Variants in SYT14 observed in about 807,000 individuals in gnomAD.
SYT14 encodes the protein synaptotagmin-14.
In SYT14, 32 loss-of-function variants were observed where a neutral mutation model predicts 74.2. That is an observed-to-expected ratio of 0.43 (90% CI 0.33 to 0.58). SYT14 has a LOEUF of 0.58. SYT14 is among the 20% of genes least tolerant of loss of function. The probability of loss-of-function intolerance (pLI) is 0.05; values close to 1 mark genes in which losing one functional copy is unlikely to be tolerated. For synonymous variants in SYT14, 298 were observed against 337.7 expected, an observed-to-expected ratio of 0.88 and a Z score of 1.29; for missense variants, 791 against 981.8, an observed-to-expected ratio of 0.81 and a Z score of 2.60.
intron 5 of SYT14, among the ~76,000 whole-genome samples, chr1:210,037,624 G>A (rs2080695707): frequency 6.6e-6 from 1 of 150,872 alleles, no homozygotes. Flanking sequence ...AGAGGTTTTG[G>A]TATGTTGTAT....
chr1:210,145,633 C>T (rs1186802849), intron 7 of SYT14, among the ~76,000 whole-genome samples: 1 of 152,168 alleles, frequency 6.6e-6, no homozygotes, highest in African/African-American at 2.4e-5. Flanking sequence ...TCATATAGTG[C>T]TGGATGAGTA....
chr1:209,977,649 A>C (rs1325774839), intron 2 of SYT14, among the ~76,000 whole-genome samples: 5 of 151,968 alleles, frequency 3.3e-5, no homozygotes, highest in East Asian at 1.9e-4. Flanking sequence ...TTTTTTCCTT[A>C]ATTGCAACTT....
chr1:209,941,506 GATA>G (rs2078729710), intron 1 of SYT14, among the ~76,000 whole-genome samples: 1 of 152,172 alleles, frequency 6.6e-6, no homozygotes, highest in South Asian at 2.1e-4. Context: ...CTGTTAATCT[GATA>G]GCGTTGACAC....
intron 5 of SYT14, among the ~76,000 whole-genome samples, chr1:210,059,445 TATATATAGAGAGAGAGAG>T (rs1433672209): frequency 1.0e-5 from 1 of 96,804 alleles, no homozygotes; most frequent in Non-Finnish European, 1.9e-5. Flanking sequence ...TATATATATA[TATATATAGAGAGAGAGAG>T]AGAGAGAGAG....
At chr1:210,125,580 AGT>A (rs2082553407) in intron 7 of SYT14, among the ~76,000 whole-genome samples, 2 of 152,096 alleles carry the variant, frequency 1.3e-5, no homozygotes, top group Admixed American at 6.5e-5. Context: ...TCAGCTTTTC[AGT>A]GTTCTAGGAG....
chr1:210,072,132 G>GATATATAT (rs34290398), intron 5 of SYT14, among the ~76,000 whole-genome samples: 1,909 of 146,270 alleles, frequency 0.013, 20 homozygotes, highest in East Asian at 0.028. Flanking sequence ...GTTAATTAAA[G>GATATATAT]ATATATATAT....
intron 7 of SYT14, among the ~76,000 whole-genome samples, chr1:210,154,146 A>G (rs931513329): frequency 6.6e-6 from 1 of 152,136 alleles, no homozygotes; most frequent in Non-Finnish European, 1.5e-5. Context: ...AAAGGCTTTT[A>G]ATTACAAATT....
chr1:209,987,809 TTA>T (rs1257500466), intron 2 of SYT14, among the ~76,000 whole-genome samples: 5 of 152,246 alleles, frequency 3.3e-5, no homozygotes, highest in African/African-American at 1.2e-4. Context: ...GTTCTATCTT[TTA>T]TTATTTCTGA....
At chr1:210,100,739 C>A (rs1289020334) in intron 7 of SYT14, among the ~76,000 whole-genome samples, 1 of 152,054 alleles carries the variant, frequency 6.6e-6, no homozygotes, top group African/African-American at 2.4e-5. Context: ...TGTTGTTGAA[C>A]ATTTATTAAA....
chr1:210,075,939 G>A (rs2081493140), intron 5 of SYT14, among the ~76,000 whole-genome samples: 2 of 152,234 alleles, frequency 1.3e-5, no homozygotes, highest in African/African-American at 2.4e-5. Flanking sequence ...TAAATATTAA[G>A]TATTATGTTT....
chr1:210,026,950 A>G (rs1322059269), intron 5 of SYT14, among the ~76,000 whole-genome samples: 1 of 152,082 alleles, frequency 6.6e-6, no homozygotes, highest in African/African-American at 2.4e-5. Flanking sequence ...GTGACTTTGC[A>G]TAGTTAAAGT....
intron 2 of SYT14, among the ~76,000 whole-genome samples, chr1:210,002,734 T>C (rs1006139808): frequency 2.6e-5 from 4 of 152,174 alleles, no homozygotes; most frequent in African/African-American, 9.7e-5. Context: ...GCCATTTTTG[T>C]TTTATCCTTC....
At chr1:210,110,727 T>G (rs2082245954) in intron 7 of SYT14, among the ~76,000 whole-genome samples, 1 of 152,208 alleles carries the variant, frequency 6.6e-6, no homozygotes, top group Non-Finnish European at 1.5e-5. Flanking sequence ...AATCATATCT[T>G]TATAGAAATA....
chr1:209,964,000 A>AAC (rs1421647428), intron 2 of SYT14, among the ~76,000 whole-genome samples: 2 of 152,280 alleles, frequency 1.3e-5, no homozygotes, highest in African/African-American at 4.8e-5. Flanking sequence ...TTCATATGCT[A>AAC]AGTTGTTATA....
intron 2 of SYT14, among the ~76,000 whole-genome samples, chr1:209,953,659 A>G (rs1461000806): frequency 2.0e-5 from 3 of 152,210 alleles, no homozygotes; most frequent in African/African-American, 7.2e-5. Context: ...GAAAAGCCTC[A>G]GCTTCTTTAG....
intron 7 of SYT14, among the ~76,000 whole-genome samples, chr1:210,134,474 T>C: frequency 6.6e-6 from 1 of 152,118 alleles, no homozygotes; most frequent in East Asian, 1.9e-4. Flanking sequence ...AGTTTTACAG[T>C]TTTAAGCTTA....
Position 210,085,884 on chromosome 1 carries a change from G to C in SYT14, c.1313-8438G>C, listed in dbSNP as rs113497028. On this transcript the variant is annotated intron_variant, in intron 5 of 9. Coordinates refer to ENST00000637265, the Ensembl canonical transcript of SYT14. Reference sequence around the variant, plus strand: ...ATACTTTTCAGGTCCTGATGTCAAGGTTATTATGGCCTCATAAAATAAGTA... The same window carrying C: ...ATACTTTTCAGGTCCTGATGTCAAGCTTATTATGGCCTCATAAAATAAGTA... Among the ~76,000 whole-genome samples the C allele has an allele frequency of 8.3e-3, 1,270 of 152,114 alleles. 14 individuals carry two copies. Among genetic ancestry groups the C allele is most frequent in the African/African-American group, 0.026 (1,091 of 41,510 alleles).
At chr1:210,150,043 A>G (rs544133036) in intron 7 of SYT14, among the ~76,000 whole-genome samples, 1 of 152,226 alleles carries the variant, frequency 6.6e-6, no homozygotes, top group East Asian at 1.9e-4. Context: ...GCTGAAGCGG[A>G]CTTTATTGCA....
chr1:210,137,970 C>T (rs147632375), intron 7 of SYT14, among the ~76,000 whole-genome samples: 2,727 of 152,140 alleles, frequency 0.018, 61 homozygotes, highest in African/African-American at 0.044. Context: ...TGAGCCACTG[C>T]GCCCAGCCTC....
Sources: gnomAD v4.1 joint callset for allele counts (sites outside exome capture counted in the v4.1 genomes callset) on GRCh38, gnomAD v4.1.1 for gene constraint, MANE v1.5 for transcripts, NCBI Gene and HGNC (gene_info 2026-07-23, HGNC 2026-07-21) for gene names.